MYH8: variants seen among roughly 807,000 people sequenced by gnomAD.
MYH8 encodes the protein myosin-8.
A neutral mutation model predicts 233.2 loss-of-function variants in MYH8; 168 were observed. The observed-to-expected ratio is 0.72, with a 90% CI of 0.64 to 0.82. The LOEUF (loss-of-function observed/expected upper bound fraction) is 0.82, where lower values mean the gene tolerates loss of function less well. MYH8 is among the 40% of genes least tolerant of loss of function. MYH8 has a pLI of 0.00. For synonymous variants in MYH8, 785 were observed against 850.6 expected (o/e 0.92, Z 1.34); for missense variants, 1,995 against 2,327.8 (o/e 0.86, Z 2.94).
At position 10,392,899 on chromosome 17, in the gene MYH8, G is replaced by A. The variant is rs1204708839; in HGVS notation, c.5395C>T (p.Arg1799Cys). The stretch of plus-strand genomic sequence containing the variant: ...GCCAGCTGCTCGGCCTCATCTAGAC[G>A]ATGCTGCAGGTCCTTCACCGTCTGC... ...LEQTVKDLQH[R>C]LDEAEQLALK... The change falls in exon 37 of 40, where the codon CGT becomes TGT. Residue 1799 changes from arginine to cysteine, a missense_variant. Physicochemically the swap from Arg to Cys is radical, Grantham distance 180. Around this residue, in one of 3 missense-constraint regions of MYH8, gnomAD observed 1,498 missense variants for 1,680.9 expected, o/e 0.89. Transcript: ENST00000403437. The A allele has an allele frequency of 6.8e-6, 11 of 1,614,032 alleles. No homozygotes were observed. The highest frequency in any genetic ancestry group is 7.6e-6 in the Non-Finnish European group (9 of 1,180,040).
chr17:10,390,428 C>A lies in MYH8; in HGVS notation c.*26G>T. On this transcript the variant is annotated 3_prime_UTR_variant, in exon 40 of 40. Coordinates refer to ENST00000403437, the MANE Select transcript of MYH8 (RefSeq NM_002472.3). ...AGCACATTTTGTGCCTTTCTTCAGCCTCTTGATAGCATCAGGCAGGTGTGT... is the reference window on the plus strand; with the variant it reads ...AGCACATTTTGTGCCTTTCTTCAGCATCTTGATAGCATCAGGCAGGTGTGT... The A allele has an allele frequency of 6.2e-7, 1 of 1,612,632 alleles. No individual in the cohort carries two copies.
In MYH8 at chr17:10,404,781, G is replaced by C. The variant is rs867964523; in HGVS notation, c.2433-196C>G. On this transcript the variant is annotated intron_variant, in intron 21 of 39. Transcript: ENST00000403437. ...CACACATTCTCGCGCTCACACTCAT[G>C]GTCAGTAGCCCTCAGTATAACCACT... Among the ~76,000 whole-genome samples, 17 of 151,692 alleles carry C rather than the reference G, an allele frequency of 1.1e-4. 1 individual carries two copies. The highest frequency in any genetic ancestry group is 6.8e-3 in the Middle Eastern group (2 of 294).
rs1278742415 is a variant in MYH8, at chr17:10,396,257, AT to A, written c.4653+72del. 6.4e-7 allele frequency: 1 copy of A among 1,567,802 alleles called. No individual in the cohort carries two copies. The highest frequency in any genetic ancestry group is 8.7e-7 in the Non-Finnish European group (1 of 1,149,094). On this transcript the variant is annotated intron_variant, in intron 33 of 39. Transcript: ENST00000403437. This position sits in a 1 kb window ranked among gnomAD's most constrained non-coding sequence, Gnocchi z 4.2. ...CATAAAGATCCTGTGAGTTTAAATT[AT>A]CACTAGCCCCACTTTTTTTTAACTG...
Position 10,398,482 on chromosome 17 carries a change from C to A in MYH8, c.4140G>T (p.Thr1380=). The change falls in exon 30 of 40, where the codon ACG becomes ACT. Residue 1380 remains threonine, a synonymous_variant. Transcript: ENST00000403437. ...EVAQWRTKYE[T]DAIQRTEELE... is the part of the protein sequence containing the mutation. ...GCTCCTCTGTGCGCTGGATGGCATC[C>A]GTCTCGTATTTGGTTCTCCACTGGG... The A allele has an allele frequency of 3.1e-6, 5 of 1,614,012 alleles. No homozygotes were observed. The highest frequency in any genetic ancestry group is 4.2e-6 in the Non-Finnish European group (5 of 1,179,902).
chr17:10,392,302 C>G (rs2072033519), intron 38 of MYH8, among the ~76,000 whole-genome samples: 1 of 146,638 alleles, frequency 6.8e-6, no homozygotes, highest in African/African-American at 2.7e-5. Flanking sequence ...AGGACTAATA[C>G]CCAGTTAATC....
intron 30 of MYH8, among the ~76,000 whole-genome samples, chr17:10,397,703 G>T (rs886100304): frequency 3.9e-5 from 6 of 152,128 alleles, no homozygotes; most frequent in African/African-American, 1.4e-4. Context: ...AGGTTAACTA[G>T]ATATTTTACT....
At position 10,400,640 on chromosome 17, in the gene MYH8, G is replaced by T. The variant is rs1226935824; in HGVS notation, c.3485C>A (p.Ala1162Asp). 6.2e-7 allele frequency: 1 copy of T among 1,614,214 alleles called. No individual in the cohort carries two copies. The highest frequency in any genetic ancestry group is 8.5e-7 in the Non-Finnish European group (1 of 1,180,040). The stretch of plus-strand genomic sequence containing the variant: ...CCGCTTCTTGTTCAATTCCACCTGA[G>T]CAGAAGTTGCCCCACCGGCTTCTTC... Reference protein sequence around the residue: ...RLEEAGGATSAQVELNKKREA... With the variant: ...RLEEAGGATSDQVELNKKREA... The change falls in exon 27 of 40, where the codon GCT (alanine) becomes GAT (aspartate). Residue 1162 changes from alanine to aspartate, a missense_variant. Ala to Asp is a moderately radical substitution (Grantham distance 126, BLOSUM62 -2). Around this residue, in one of 3 missense-constraint regions of MYH8, gnomAD observed 1,498 missense variants for 1,680.9 expected, o/e 0.89. Coordinates refer to ENST00000403437, the MANE Select transcript of MYH8 (RefSeq NM_002472.3). This position sits in a 1 kb window ranked among gnomAD's most constrained non-coding sequence, Gnocchi z 4.0.
In MYH8 at chr17:10,412,406, G is replaced by A. The variant is rs778977499; in HGVS notation, c.1380C>T (p.Ile460=). 16 of 1,614,104 alleles carry A rather than the reference G, an allele frequency of 9.9e-6. No homozygotes were observed. The highest frequency in any genetic ancestry group is 5.3e-5 in the African/African-American group (4 of 74,938). Residue 460 remains isoleucine (I), a synonymous_variant, in exon 14 of 40, where the codon ATC becomes ATT. Coordinates refer to ENST00000403437, the MANE Select transcript of MYH8 (RefSeq NM_002472.3). ...CAAAGCCAGCAATGTCCAAGACCCCGATGAAGTACTGCCTGGGCTGCTTGG... is the reference window on the plus strand; with the variant it reads ...CAAAGCCAGCAATGTCCAAGACCCCAATGAAGTACTGCCTGGGCTGCTTGG... ...LDTKQPRQYF[I]GVLDIAGFEI...
intron 2 of MYH8, among the ~76,000 whole-genome samples, chr17:10,421,327 A>G (rs1232136321): frequency 1.3e-5 from 2 of 152,130 alleles, no homozygotes; most frequent in Non-Finnish European, 2.9e-5. Flanking sequence ...AAAAATGTCT[A>G]TAAAATGTCC....
chr17:10,413,589 CTACAGTT>C (rs2072263318), intron 12 of MYH8, among the ~76,000 whole-genome samples: 1 of 152,148 alleles, frequency 6.6e-6, no homozygotes, highest in South Asian at 2.1e-4. Context: ...ATAGAGCAGT[CTACAGTT>C]ATCTACATAT....
At chr17:10,421,420 C>G (rs1348069229) in intron 2 of MYH8, among the ~76,000 whole-genome samples, 1 of 152,130 alleles carries the variant, frequency 6.6e-6, no homozygotes, top group African/African-American at 2.4e-5. Flanking sequence ...CAGCTGAGAA[C>G]TCACTGTTGA....
chr17:10,418,556 T>C, intron 5 of MYH8, 89 bp downstream of exon 5: 1 of 1,608,726 alleles, frequency 6.2e-7, no homozygotes, highest in South Asian at 1.1e-5. Flanking sequence ...GAATGTATTA[T>C]CATAACATAA....
chr17:10,408,522 A>G (rs1420893758), intron 17 of MYH8, among the ~76,000 whole-genome samples: 1 of 152,208 alleles, frequency 6.6e-6, no homozygotes, highest in African/African-American at 2.4e-5. Context: ...ATATATAAGA[A>G]CAAGTTTTTA....
At chr17:10,404,745 A>T (rs2072176417) in intron 21 of MYH8, among the ~76,000 whole-genome samples, 160 bp from the exon 22 acceptor site, 1 of 146,248 alleles carries the variant, frequency 6.8e-6, no homozygotes, top group South Asian at 2.1e-4. Flanking sequence ...ACACACACAC[A>T]CACACATGTA....
chr17:10,391,212 G>C (rs577713991), intron 39 of MYH8, among the ~76,000 whole-genome samples: 34 of 152,320 alleles, frequency 2.2e-4, no homozygotes, highest in African/African-American at 5.3e-4. Flanking sequence ...AAGAAGTCAG[G>C]TGGGGTAAAA....
Position 10,396,241 on chromosome 17 carries a change from C to A in MYH8, c.4653+89G>T. 1 of 1,479,360 alleles carries A rather than the reference C, an allele frequency of 6.8e-7. No homozygotes were observed. The highest frequency in any genetic ancestry group is 9.3e-7 in the Non-Finnish European group (1 of 1,075,692). The allele number at this position is 1,479,360 out of a possible 1,614,324, so 91.6% of individuals were successfully genotyped here. ...TTGCCAAGTTGTCCTTCATAAAGAT[C>A]CTGTGAGTTTAAATTATCACTAGCC... On this transcript the variant is annotated intron_variant, in intron 33 of 39. Coordinates refer to ENST00000403437, the MANE Select transcript of MYH8 (RefSeq NM_002472.3). The surrounding 1 kb of genome is among the most constrained non-coding windows in gnomAD (Gnocchi z 4.2).
intron 30 of MYH8, among the ~76,000 whole-genome samples, chr17:10,397,448 C>G (rs969136623): frequency 2.0e-5 from 3 of 152,122 alleles, no homozygotes; most frequent in African/African-American, 7.2e-5. Context: ...CGGTGGCAGC[C>G]AGAACTGCTT....
rs1480771688 is a variant in MYH8, at chr17:10,401,274, C to T, written c.3108+1G>A. 1 of 1,614,022 alleles carries T rather than the reference C, an allele frequency of 6.2e-7. No individual in the cohort carries two copies. Reference sequence around the variant, plus strand: ...CAAAGGGATATTTAAAATGTGCTTACATCATCCACTTGCTGTTCTAGCTTG... The same window carrying T: ...CAAAGGGATATTTAAAATGTGCTTATATCATCCACTTGCTGTTCTAGCTTG... On this transcript the variant is annotated splice_donor_variant, in intron 24 of 39. Coordinates refer to ENST00000403437, the MANE Select transcript of MYH8 (RefSeq NM_002472.3). LOFTEE classifies it high-confidence loss of function.
chr17:10,415,742 T>G lies in MYH8; in HGVS notation c.512-34A>C, dbSNP rs2072285192. On this transcript the variant is annotated intron_variant, in intron 5 of 39. Coordinates refer to ENST00000403437, the MANE Select transcript of MYH8 (RefSeq NM_002472.3). The surrounding 1 kb of genome is among the most constrained non-coding windows in gnomAD (Gnocchi z 4.1). Reference sequence around the variant, plus strand: ...GAATTCAAAATCATCCGTTAAAAAATGCATATTTAATATGAAGAGTATTGA... The same window carrying G: ...GAATTCAAAATCATCCGTTAAAAAAGGCATATTTAATATGAAGAGTATTGA... 5.6e-6 allele frequency: 9 copies of G among 1,601,356 alleles called. No homozygotes were observed. In the South Asian group the frequency reaches 6.7e-5, roughly 12 times the overall value.
Sources: allele counts gnomAD v4.1 joint callset (sites outside exome capture counted in the v4.1 genomes callset), GRCh38; gene constraint gnomAD v4.1.1; regional missense constraint gnomAD v4.1.1; non-coding constraint Gnocchi (gnomAD v3.1); transcripts MANE v1.5; gene names NCBI Gene and HGNC (gene_info 2026-07-23, HGNC 2026-07-21).